Variants in FGD5 observed in about 807,000 individuals in gnomAD.
FGD5 encodes the protein FYVE, RhoGEF and PH domain containing 5.
Under a neutral mutation model 133.4 loss-of-function variants are expected in FGD5, and 28 were observed. The observed-to-expected ratio is 0.21, with a 90% CI of 0.16 to 0.29. FGD5 has a LOEUF of 0.29. FGD5 is among the 10% of genes least tolerant of loss of function. FGD5 has a pLI of 1.00. For synonymous variants in FGD5, 810 were observed against 776.5 expected, an observed-to-expected ratio of 1.04 and a Z score of -0.72; for missense variants, 1,858 against 1,895.2, an observed-to-expected ratio of 0.98 and a Z score of 0.36.
At chr3:14,836,667 G>A (rs2036823029) in intron 1 of FGD5, among the ~76,000 whole-genome samples, 1 of 152,182 alleles carries the variant, frequency 6.6e-6, no homozygotes. Context: ...GGCCAAGAGG[G>A]GAAGAGAGAA....
chr3:14,859,935 A>G (rs1442868384), intron 1 of FGD5, among the ~76,000 whole-genome samples: 1 of 152,248 alleles, frequency 6.6e-6, no homozygotes, highest in African/African-American at 2.4e-5. Flanking sequence ...TTTCCATGTC[A>G]TTAAATATAT....
intron 1 of FGD5, among the ~76,000 whole-genome samples, chr3:14,849,272 G>A (rs2037116021): frequency 6.6e-6 from 1 of 152,178 alleles, no homozygotes; most frequent in African/African-American, 2.4e-5. Context: ...CCCTACAGGT[G>A]CTCTGTGCAC....
chr3:14,900,293 G>A (rs902009064), intron 7 of FGD5, 110 bp from the exon 8 acceptor site: 1 of 1,053,580 alleles, frequency 9.5e-7, no homozygotes, highest in African/African-American at 1.6e-5. Context: ...GGGGAGAGAG[G>A]GTGGATGCTT....
At chr3:14,866,910 G>C (rs1227975820) in intron 2 of FGD5, among the ~76,000 whole-genome samples, 1 of 151,958 alleles carries the variant, frequency 6.6e-6, no homozygotes, top group African/African-American at 2.4e-5. Flanking sequence ...GCATCCATCC[G>C]GTCATCCCAA....
chr3:14,818,875 C>G, upstream of FGD5: 1 of 1,383,690 alleles, frequency 7.2e-7, no homozygotes, highest in South Asian at 1.6e-5. Flanking sequence ...GTGGCGTCCC[C>G]TGCAACTGGT....
Position 14,907,566 on chromosome 3 carries a change from C to A in FGD5, c.3265-74C>A. The stretch of plus-strand genomic sequence containing the variant: ...TTTTTGTCTGAAACAGAAGCAACGC[C>A]ATGCCTTACAGAGGAGATAAGACGC... On this transcript the variant is annotated intron_variant, in intron 9 of 19. Transcript: ENST00000285046. 13 of 1,373,276 alleles carry A rather than the reference C, an allele frequency of 9.5e-6. 1 individual carries two copies. The South Asian group carries it at 1.7e-4, about 18-fold the overall frequency. 85.1% of individuals were successfully genotyped at this position (1,373,276 alleles called of 1,614,324 possible).
chr3:14,834,618 C>T (rs943586553), intron 1 of FGD5, among the ~76,000 whole-genome samples: 3 of 152,192 alleles, frequency 2.0e-5, no homozygotes, highest in African/African-American at 4.8e-5. Flanking sequence ...TTGATAAGAG[C>T]TATCTGTCAG....
At position 14,844,241 on chromosome 3, in the gene FGD5, T is replaced by A. The variant is rs868429566; in HGVS notation, c.2526-19887T>A. Among the ~76,000 whole-genome samples the A allele has an allele frequency of 6.5e-3, 280 of 42,930 alleles. 18 individuals carry two copies. The highest frequency in any genetic ancestry group is 0.025 in the Middle Eastern group (3 of 120). 28.2% of individuals were successfully genotyped at this position (42,930 alleles called of 152,430 possible). On this transcript the variant is annotated intron_variant, in intron 1 of 19. Transcript: ENST00000285046. The stretch of plus-strand genomic sequence containing the variant: ...AAATATATATATATATATATATATA[T>A]ATATATATATATATATATATATATA...
chr3:14,821,053 T>G lies in FGD5; in HGVS notation c.1982T>G (p.Phe661Cys). 2 of 1,613,966 alleles carry G rather than the reference T, an allele frequency of 1.2e-6. No homozygotes were observed. Among genetic ancestry groups the G allele is most frequent in the Middle Eastern group, 3.3e-4 (2 of 6,062 alleles). ...TTTAAGCGCTTCCTGGCACTGACGT[T>G]TAAGAAGAAGACGGAGAACAAATTG... ...SSFKRFLALT[F>C]KKKTENKLHV... is the part of the protein sequence containing the mutation. Residue 661 changes from phenylalanine to cysteine, a missense_variant, in exon 1 of 20, where the codon TTT becomes TGT. Physicochemically the swap from Phe to Cys is radical, Grantham distance 205. Around this residue, in one of 3 missense-constraint regions of FGD5, gnomAD observed 1,824 missense variants for 1,848.9 expected, o/e 0.99. Transcript: ENST00000285046.
chr3:14,862,493 T>A (rs565071151), intron 1 of FGD5, among the ~76,000 whole-genome samples: 1 of 152,194 alleles, frequency 6.6e-6, no homozygotes, highest in East Asian at 1.9e-4. Context: ...GGCAGCACGG[T>A]GACTTGCAGC....
At chr3:14,911,354 A>G (rs1184799302) in intron 11 of FGD5, among the ~76,000 whole-genome samples, 2 of 152,168 alleles carry the variant, frequency 1.3e-5, no homozygotes, top group Non-Finnish European at 2.9e-5. Context: ...ATTTTTGCTT[A>G]TGGACAACTG....
At chr3:14,887,683 A>G (rs1008981659) in intron 4 of FGD5, among the ~76,000 whole-genome samples, 7 of 152,142 alleles carry the variant, frequency 4.6e-5, no homozygotes, top group African/African-American at 1.7e-4. Flanking sequence ...GAAAAAGAAC[A>G]ATAGTAACGC....
intron 4 of FGD5, among the ~76,000 whole-genome samples, chr3:14,896,057 C>T (rs2038131520): frequency 6.6e-6 from 1 of 152,046 alleles, no homozygotes; most frequent in Admixed American, 6.6e-5. Context: ...ATATAAAATA[C>T]CTAGGAATCA....
chr3:14,819,824 G>A lies in FGD5; in HGVS notation c.753G>A (p.Glu251=), dbSNP rs2036446317. ...GACAGGATGCTGAGGACACCAGTGA[G>A]GAGCCCCCTGAGAAGGAGGAGCTGG... is the stretch of plus-strand genomic sequence containing the variant. ...DMGQDAEDTS[E]EPPEKEELAG... is the part of the protein sequence containing the mutation. The change falls in exon 1 of 20, where the codon GAG becomes GAA. Residue 251 remains glutamate (E), a synonymous_variant. Coordinates refer to ENST00000285046, the MANE Select transcript of FGD5 (RefSeq NM_152536.4). The surrounding 1 kb of genome is among the most constrained non-coding windows in gnomAD (Gnocchi z 4.1). 6.2e-7 allele frequency: 1 copy of A among 1,601,314 alleles called. No homozygotes were observed. Among genetic ancestry groups the A allele is most frequent in the Non-Finnish European group, 8.5e-7 (1 of 1,174,162 alleles).
chr3:14,857,440 C>T (rs2037305914), intron 1 of FGD5, among the ~76,000 whole-genome samples: 1 of 152,178 alleles, frequency 6.6e-6, no homozygotes, highest in South Asian at 2.1e-4. Flanking sequence ...CAGGCTTGAG[C>T]CACTGAGCCC....
chr3:14,892,197 T>A (rs924489664), intron 4 of FGD5, among the ~76,000 whole-genome samples: 5 of 151,784 alleles, frequency 3.3e-5, no homozygotes, highest in African/African-American at 9.7e-5. Flanking sequence ...AAAGACCTTT[T>A]TTTTTTATTT....
At chr3:14,885,151 G>T (rs1559492984) in intron 4 of FGD5, among the ~76,000 whole-genome samples, 1 of 151,280 alleles carries the variant, frequency 6.6e-6, no homozygotes, top group Non-Finnish European at 1.5e-5. Context: ...CGCCCCCTTT[G>T]TTCAGTTCCT....
At chr3:14,892,022 A>G (rs376998951) in intron 4 of FGD5, among the ~76,000 whole-genome samples, 2 of 148,416 alleles carry the variant, frequency 1.3e-5, no homozygotes, top group African/African-American at 5.0e-5. Context: ...TCTCTGTCCC[A>G]TCCCACCTCC....
At chr3:14,906,905 C>T (rs1340099832) in intron 9 of FGD5, among the ~76,000 whole-genome samples, 1 of 152,224 alleles carries the variant, frequency 6.6e-6, no homozygotes, top group Non-Finnish European at 1.5e-5. Flanking sequence ...TTTCACACTA[C>T]AATGAGAACA....
Sources: allele counts gnomAD v4.1 joint callset (sites outside exome capture counted in the v4.1 genomes callset), GRCh38; gene constraint gnomAD v4.1.1; regional missense constraint gnomAD v4.1.1; non-coding constraint Gnocchi (gnomAD v3.1); transcripts MANE v1.5; gene names NCBI Gene and HGNC (gene_info 2026-07-23, HGNC 2026-07-21).